MBD2: variants seen among roughly 807,000 people sequenced by gnomAD.
MBD2 encodes the protein methyl-CpG-binding domain protein 2.
MBD2 carries 9 observed loss-of-function variants against 39.3 expected under a neutral mutation model. The ratio of observed to expected loss-of-function variants is 0.23; its 90% confidence interval spans 0.14 to 0.40. MBD2 has a LOEUF of 0.40. Among genes scored for constraint, MBD2 ranks in the 10% least tolerant of loss-of-function variants. The pLI, the probability that MBD2 is intolerant of heterozygous loss-of-function variation, is 1.00. For missense variants in MBD2, 458 were observed against 532.6 expected, an observed-to-expected ratio of 0.86 and a Z score of 1.38; for synonymous variants, 233 against 211.1, an observed-to-expected ratio of 1.10 and a Z score of -0.90.
At chr18:54,165,986 C>A in intron 4 of MBD2, 90 bp downstream of exon 4, 1 of 847,754 alleles carries the variant, frequency 1.2e-6, no homozygotes, top group Non-Finnish European at 1.9e-6. Context: ...GGCCTCCTGT[C>A]AGTCATTGCT....
At chr18:54,213,728 A>T (rs1293635179) in intron 1 of MBD2, among the ~76,000 whole-genome samples, 1 of 152,236 alleles carries the variant, frequency 6.6e-6, no homozygotes, top group Non-Finnish European at 1.5e-5. Context: ...CAGATAAAGC[A>T]AGACTGGCCA....
At chr18:54,221,961 CAAACA>C (rs1220916279) in intron 1 of MBD2, among the ~76,000 whole-genome samples, 1 of 152,130 alleles carries the variant, frequency 6.6e-6, no homozygotes, top group African/African-American at 2.4e-5. Flanking sequence ...ATCCCAAAAC[CAAACA>C]AACCATATCC....
chr18:54,202,279 C>G (rs2144327348), intron 2 of MBD2, among the ~76,000 whole-genome samples: 1 of 150,924 alleles, frequency 6.6e-6, no homozygotes, highest in South Asian at 2.1e-4. Context: ...GGGAGGCCAA[C>G]ATCACCCCAC....
intron 3 of MBD2, among the ~76,000 whole-genome samples, chr18:54,180,772 T>C (rs1374093152): frequency 6.6e-6 from 1 of 152,120 alleles, no homozygotes; most frequent in Non-Finnish European, 1.5e-5. Flanking sequence ...CCTATGTTAC[T>C]TAGAGAAATA....
chr18:54,192,627 T>C (rs1483338178), intron 2 of MBD2, among the ~76,000 whole-genome samples: 4 of 152,166 alleles, frequency 2.6e-5, no homozygotes, highest in Admixed American at 2.6e-4. Context: ...TTTGCAACCG[T>C]CTGCATGAGT....
chr18:54,212,692 T>TA lies in MBD2; in HGVS notation c.543-7536dup, dbSNP rs954764449. Among the ~76,000 whole-genome samples the TA allele has an allele frequency of 3.3e-4, 50 of 149,546 alleles. 3 individuals are homozygous for TA. Among genetic ancestry groups the TA allele is most frequent in the African/African-American group, 9.3e-4 (38 of 40,868 alleles). On this transcript the variant is annotated intron_variant, in intron 1 of 6. Coordinates refer to ENST00000256429, the MANE Select transcript of MBD2 (RefSeq NM_003927.5). ...ATTTCCCCCCAAAATAGGAAAGCTT[T>TA]AAAAAAAAAATATCAAGACTCTGGG...
chr18:54,211,062 G>A (rs902398614), intron 1 of MBD2, among the ~76,000 whole-genome samples: 1 of 150,750 alleles, frequency 6.6e-6, no homozygotes, highest in Admixed American at 6.6e-5. Context: ...TAGTAGAGAC[G>A]GGGTTTCACC....
chr18:54,200,806 G>A (rs553866885), intron 2 of MBD2, among the ~76,000 whole-genome samples: 28 of 152,238 alleles, frequency 1.8e-4, no homozygotes, highest in Admixed American at 3.9e-4. Context: ...GAGGCCGAGC[G>A]CGGTGGCTCA....
chr18:54,175,426 C>T (rs656923), intron 3 of MBD2, among the ~76,000 whole-genome samples: 129,910 of 152,248 alleles, frequency 0.85, 55,869 homozygotes, highest in East Asian at 1. Flanking sequence ...CTGCTGCCCT[C>T]CTAAGGTTAT....
chr18:54,164,314 G>A (rs1487950883), intron 5 of MBD2, among the ~76,000 whole-genome samples: 1 of 152,200 alleles, frequency 6.6e-6, no homozygotes, highest in African/African-American at 2.4e-5. Context: ...CCCCTGGCAT[G>A]CAGCATTTAT....
chr18:54,220,037 G>A (rs2086597076), intron 1 of MBD2, among the ~76,000 whole-genome samples: 2 of 152,090 alleles, frequency 1.3e-5, no homozygotes. Context: ...TCCTGACCTC[G>A]TGATCCACCC....
At chr18:54,160,794 G>T (rs1157381255) in intron 5 of MBD2, among the ~76,000 whole-genome samples, 1 of 151,976 alleles carries the variant, frequency 6.6e-6, no homozygotes, top group Non-Finnish European at 1.5e-5. Context: ...AAAGACAAGA[G>T]AAGAGAGAAG....
At chr18:54,207,969 C>A (rs1482660826) in intron 1 of MBD2, among the ~76,000 whole-genome samples, 1 of 151,922 alleles carries the variant, frequency 6.6e-6, no homozygotes, top group Non-Finnish European at 1.5e-5. Context: ...ACCCAGGAGG[C>A]GGAGCTTGCA....
At chr18:54,156,285 T>C (rs2086050972) in intron 6 of MBD2, among the ~76,000 whole-genome samples, 1 of 152,244 alleles carries the variant, frequency 6.6e-6, no homozygotes, top group Admixed American at 6.5e-5. Context: ...GTCTAATGGC[T>C]TGATCTAATA....
intron 5 of MBD2, among the ~76,000 whole-genome samples, chr18:54,160,307 G>T (rs2086086456): frequency 6.6e-6 from 1 of 152,208 alleles, no homozygotes; most frequent in Admixed American, 6.5e-5. Context: ...GAAGCACTGA[G>T]AAAGATGGAG....
At chr18:54,192,405 T>C (rs2086326845) in intron 2 of MBD2, among the ~76,000 whole-genome samples, 2 of 151,968 alleles carry the variant, frequency 1.3e-5, no homozygotes, top group African/African-American at 4.8e-5. Context: ...GCTAATTTTT[T>C]TATTTTTAGT....
chr18:54,169,146 G>A (rs1368610483), intron 3 of MBD2, among the ~76,000 whole-genome samples: 3 of 152,144 alleles, frequency 2.0e-5, no homozygotes, highest in Non-Finnish European at 2.9e-5. Context: ...CAACTTCTTT[G>A]GGGTGCTAGG....
intron 4 of MBD2, 119 bp downstream of exon 4, chr18:54,165,957 T>C (rs1403184227): frequency 4.5e-6 from 3 of 660,444 alleles, no homozygotes; most frequent in South Asian, 4.2e-5. Flanking sequence ...CAGCAAGGCA[T>C]ATGACCTCCC....
intron 3 of MBD2, among the ~76,000 whole-genome samples, chr18:54,174,377 G>T (rs1278342727): frequency 6.6e-6 from 1 of 152,218 alleles, no homozygotes; most frequent in Admixed American, 6.5e-5. Context: ...GAAACAGAAA[G>T]AAGGGCCCCT....
Sources: gnomAD v4.1 joint callset for allele counts (sites outside exome capture counted in the v4.1 genomes callset) on GRCh38, gnomAD v4.1.1 for gene constraint, MANE v1.5 for transcripts, NCBI Gene and HGNC (gene_info 2026-07-23, HGNC 2026-07-21) for gene names.